Variants in PODXL observed in about 807,000 individuals in gnomAD.
The protein encoded by PODXL is podocalyxin.
A neutral mutation model predicts 48.9 loss-of-function variants in PODXL; 20 were observed. The ratio of observed to expected loss-of-function variants is 0.41; its 90% confidence interval spans 0.29 to 0.59. The LOEUF (loss-of-function observed/expected upper bound fraction) is 0.59, where lower values mean the gene tolerates loss of function less well. Ranked by LOEUF, PODXL falls within the 20% of genes least tolerant of loss-of-function variation. The pLI is 0.31. For missense variants in PODXL, 606 were observed against 675.1 expected (o/e 0.90, Z 1.13); for synonymous variants, 295 against 287.4 (o/e 1.03, Z -0.27).
intron 1 of PODXL, among the ~76,000 whole-genome samples, chr7:131,541,570 C>T (rs892769073): frequency 6.6e-6 from 1 of 151,658 alleles, no homozygotes; most frequent in East Asian, 1.9e-4. Context: ...TCTCTAATCC[C>T]GCTCCTCGGA....
chr7:131,506,087 C>G, intron 7 of PODXL, 52 bp from the exon 8 acceptor site: 1 of 1,584,620 alleles, frequency 6.3e-7, no homozygotes, highest in South Asian at 1.2e-5. Context: ...CTCCCTCAGC[C>G]CCCGGCTTCA....
Position 131,556,275 on chromosome 7 carries a change from A to ACGGCGACGGCGACGGCGACGG in PODXL, c.84_85insCCGTCGCCGTCGCCGTCGCCG (p.Pro28_Ser29insProSerProSerProSerPro). On this transcript the variant is annotated inframe_insertion, in exon 1 of 9. Coordinates refer to ENST00000378555, the MANE Select transcript of PODXL (RefSeq NM_001018111.3). ...GGCCACTCACCATTCTGGGAGGGCG[A>ACGGCGACGGCGACGGCGACGG]CGGCGACGGCGACGGCGACGACGGC... 1.3e-6 allele frequency: 1 copy of ACGGCGACGGCGACGGCGACGG among 780,530 alleles called. No homozygotes were observed. The highest frequency in any genetic ancestry group is 6.1e-5 in the East Asian group (1 of 16,524). 48.4% of individuals were successfully genotyped at this position (780,530 alleles called of 1,614,324 possible).
intron 1 of PODXL, among the ~76,000 whole-genome samples, chr7:131,521,071 G>A (rs1322801408): frequency 3.3e-5 from 5 of 152,002 alleles, no homozygotes; most frequent in Admixed American, 2.6e-4. Flanking sequence ...AGGAGGCTGA[G>A]GCAGGAGATT....
At chr7:131,553,078 C>T (rs906682673) in intron 1 of PODXL, among the ~76,000 whole-genome samples, 1 of 152,158 alleles carries the variant, frequency 6.6e-6, no homozygotes, top group Admixed American at 6.6e-5. Context: ...TGAGCAGCCA[C>T]ACCCTGCCAC....
At chr7:131,540,238 G>A (rs13247975) in intron 1 of PODXL, among the ~76,000 whole-genome samples, 33,535 of 151,938 alleles carry the variant, frequency 0.22, 4,260 homozygotes, top group Admixed American at 0.32. Context: ...GTAGAGATAC[G>A]GTCTCACTCT....
Position 131,504,307 on chromosome 7 carries a change from C to A in PODXL, c.*4G>T, listed in dbSNP as rs1056272543. ...GTGCTGCTGGAGGCCACCGGCAGAC[C>A]GGACTAGAGGTGTGTGTCTTCCTCC... is the stretch of plus-strand genomic sequence containing the variant. On this transcript the variant is annotated 3_prime_UTR_variant, in exon 9 of 9. Coordinates refer to ENST00000378555, the MANE Select transcript of PODXL (RefSeq NM_001018111.3). 6.2e-7 allele frequency: 1 copy of A among 1,613,588 alleles called. No homozygotes were observed. Among genetic ancestry groups the A allele is most frequent in the Non-Finnish European group, 8.5e-7 (1 of 1,179,642 alleles).
At chr7:131,537,668 C>T (rs1798400149) in intron 1 of PODXL, among the ~76,000 whole-genome samples, 1 of 130,186 alleles carries the variant, frequency 7.7e-6, no homozygotes, top group African/African-American at 2.9e-5. Flanking sequence ...GGAATACACA[C>T]ATTTAACCAG....
Position 131,509,498 on chromosome 7 carries a change from T to C in PODXL, c.890A>G (p.Gln297Arg), listed in dbSNP as rs544172850. The part of the protein sequence containing the change: ...STAPSSQETV[Q>R]PTSPATALRT... ...CAATGCCGTTGCCGGGCTCGTGGGC[T>C]GCACTGTCTCCTGGGAGGAAGGGGC... The change falls in exon 4 of 9, where the codon CAG becomes CGG. Residue 297 changes from glutamine to arginine, a missense_variant. Gln to Arg is a conservative substitution (Grantham distance 43, BLOSUM62 1). Transcript: ENST00000378555. 2.7e-5 allele frequency: 43 copies of C among 1,613,192 alleles called. No homozygotes were observed. In the East Asian group the frequency reaches 9.1e-4, roughly 34 times the overall value.
At chr7:131,554,962 C>T (rs1460999402) in intron 1 of PODXL, among the ~76,000 whole-genome samples, 6 of 152,164 alleles carry the variant, frequency 3.9e-5, no homozygotes, top group Non-Finnish European at 8.8e-5. Context: ...AGCCCCTCTT[C>T]CAGGGACACA....
At chr7:131,505,286 G>A (rs987271283) in intron 8 of PODXL, among the ~76,000 whole-genome samples, 1 of 152,172 alleles carries the variant, frequency 6.6e-6, no homozygotes, top group Admixed American at 6.5e-5. Flanking sequence ...GTGCAGATGA[G>A]GAACCTGATG....
At chr7:131,535,972 G>A (rs1265808904) in intron 1 of PODXL, among the ~76,000 whole-genome samples, 1 of 152,132 alleles carries the variant, frequency 6.6e-6, no homozygotes, top group Non-Finnish European at 1.5e-5. Flanking sequence ...TATCCAGGCT[G>A]GTCTCAAACT....
chr7:131,511,051 T>G lies in PODXL; in HGVS notation c.483A>C (p.Lys161Asn). Reference sequence around the variant, plus strand: ...GGTCTGTGGTCACACTGTGGCTGCTTTTCCCCCCAGAGTTTGTTGTATCTT... The same window carrying G: ...GGTCTGTGGTCACACTGTGGCTGCTGTTCCCCCCAGAGTTTGTTGTATCTT... ...GAEDTTNSGG[K>N]SSHSVTTDLT... Residue 161 changes from lysine (K) to asparagine (N), a missense_variant, in exon 2 of 9, where the codon AAA becomes AAC. By Grantham distance (94) the Lys-to-Asn change is moderately conservative. Transcript: ENST00000378555. 4 of 1,614,106 alleles carry G rather than the reference T, an allele frequency of 2.5e-6. No homozygotes were observed. Among genetic ancestry groups the G allele is most frequent in the Non-Finnish European group, 3.4e-6 (4 of 1,179,998 alleles).
At chr7:131,525,164 T>C (rs545229772) in intron 1 of PODXL, among the ~76,000 whole-genome samples, 2 of 152,306 alleles carry the variant, frequency 1.3e-5, no homozygotes, top group East Asian at 3.9e-4. Flanking sequence ...CTGCATCTGT[T>C]GAAACCCAAA....
intron 1 of PODXL, among the ~76,000 whole-genome samples, chr7:131,552,366 G>A (rs1798681664): frequency 6.6e-6 from 1 of 152,174 alleles, no homozygotes; most frequent in East Asian, 1.9e-4. Context: ...GGCTAGGAGT[G>A]GCTCTTCCCC....
intron 1 of PODXL, among the ~76,000 whole-genome samples, chr7:131,530,972 C>T (rs1446628773): frequency 1.3e-5 from 2 of 152,032 alleles, no homozygotes; most frequent in East Asian, 1.9e-4. Flanking sequence ...ACAGGAGAAT[C>T]GCTTGAACCC....
At chr7:131,532,579 T>C (rs990655699) in intron 1 of PODXL, among the ~76,000 whole-genome samples, 5 of 151,646 alleles carry the variant, frequency 3.3e-5, no homozygotes, top group Non-Finnish European at 7.4e-5. Context: ...GGGTAGTGAC[T>C]CCTGGGGTTG....
At position 131,524,379 on chromosome 7, in the gene PODXL, C is replaced by CACACAGAGAGAGAGAGAGAG. The variant is rs746255906; in HGVS notation, c.101-12947_101-12946insCTCTCTCTCTCTCTCTGTGT. ...ACACACACGCACACACACACACACA[C>CACACAGAGAGAGAGAGAGAG]AGAGAGAGAGAGAGAGAGAGAGAGA... On this transcript the variant is annotated intron_variant, in intron 1 of 8. Transcript: ENST00000378555. Among the ~76,000 whole-genome samples the CACACAGAGAGAGAGAGAGAG allele has an allele frequency of 5.3e-3, 555 of 104,028 alleles. 3 individuals carry two copies. Among genetic ancestry groups the CACACAGAGAGAGAGAGAGAG allele is most frequent in the Non-Finnish European group, 8.7e-3 (388 of 44,376 alleles). The allele number at this position is 104,028 out of a possible 152,430, so 68.2% of individuals were successfully genotyped here.
chr7:131,531,529 T>C (rs1371967460), intron 1 of PODXL, among the ~76,000 whole-genome samples: 2 of 152,184 alleles, frequency 1.3e-5, no homozygotes, highest in East Asian at 3.9e-4. Context: ...TCAGTTTACC[T>C]ACGACCGCCA....
chr7:131,556,573 AGCGGCGGCGGCGGCGGCTGCGTCCTGG>A lies in PODXL; in HGVS notation c.-241_-215del. Reference sequence around the variant, plus strand: ...TGGGGCGCAGAGCCAGTGGCAGAGGAGCGGCGGCGGCGGCGGCTGCGTCCTGGGCGGCGTCTGCGCGGCTGCGGCCCC... The same window carrying A: ...TGGGGCGCAGAGCCAGTGGCAGAGGAGCGGCGTCTGCGCGGCTGCGGCCCC... On this transcript the variant is annotated 5_prime_UTR_variant, in exon 1 of 9. Transcript: ENST00000378555. The A allele has an allele frequency of 2.2e-6, 1 of 464,230 alleles. No individual in the cohort carries two copies. The highest frequency in any genetic ancestry group is 3.3e-6 in the Non-Finnish European group (1 of 301,878). The allele number at this position is 464,230 out of a possible 1,614,324, so 28.8% of individuals were successfully genotyped here. A position where few individuals can be genotyped will look rare whatever the true frequency, so the allele number is the denominator to read the frequency against.
Sources: allele counts gnomAD v4.1 joint callset (sites outside exome capture counted in the v4.1 genomes callset), GRCh38; gene constraint gnomAD v4.1.1; transcripts MANE v1.5; gene names NCBI Gene and HGNC (gene_info 2026-07-23, HGNC 2026-07-21).